The following RIN3 variants were observed in gnomAD, a reference collection of about 807,000 sequenced individuals.
RIN3 encodes Ras and Rab interactor 3.
Under a neutral mutation model 76.3 loss-of-function variants are expected in RIN3, and 54 were observed. The ratio of observed to expected loss-of-function variants is 0.71; its 90% CI spans 0.57 to 0.89. RIN3 has a LOEUF of 0.89. Among genes scored for constraint, RIN3 ranks in the 40% least tolerant of loss-of-function variants. RIN3 has a pLI of 0.00. For missense variants in RIN3, 1,256 were observed against 1,322.1 expected, an observed-to-expected ratio of 0.95 and a Z score of 0.78; for synonymous variants, 576 against 564.0, an observed-to-expected ratio of 1.02 and a Z score of -0.30.
Position 92,649,142 on chromosome 14 carries a change from C to G in RIN3, c.533-2440C>G, listed in dbSNP as rs141645862. Among the ~76,000 whole-genome samples the G allele has an allele frequency of 3.9e-3, 589 of 152,262 alleles. 7 individuals carry two copies. Among genetic ancestry groups the G allele is most frequent in the African/African-American group, 0.013 (558 of 41,542 alleles). ...GCCTGCCGTATGCCCAGCCGAGGAC[C>G]CCAGGAGGAGAATGGAGTAGAGGGG... On this transcript the variant is annotated intron_variant, in intron 5 of 9. Coordinates refer to ENST00000216487, the MANE Select transcript of RIN3 (RefSeq NM_024832.5).
intron 1 of RIN3, among the ~76,000 whole-genome samples, chr14:92,523,119 ATTTTATTTTT>A (rs943684080): frequency 2.6e-5 from 4 of 152,006 alleles, no homozygotes; most frequent in Non-Finnish European, 5.9e-5. Flanking sequence ...GTTTTATTTT[ATTTTATTTTT>A]GAGATGTAGT....
chr14:92,617,683 CAA>C (rs1008377475), intron 4 of RIN3, among the ~76,000 whole-genome samples: 2 of 152,132 alleles, frequency 1.3e-5, no homozygotes, highest in African/African-American at 4.8e-5. Context: ...CTCCTAAAAT[CAA>C]AGAGACCAAA....
chr14:92,518,871 C>T (rs1476484921), intron 1 of RIN3, among the ~76,000 whole-genome samples: 1 of 148,246 alleles, frequency 6.7e-6, no homozygotes, highest in Non-Finnish European at 1.5e-5. Flanking sequence ...TTTTCTTAGG[C>T]AGAACTGTCC....
At chr14:92,561,694 G>C (rs1205364229) in intron 2 of RIN3, among the ~76,000 whole-genome samples, 2 of 151,986 alleles carry the variant, frequency 1.3e-5, no homozygotes, top group African/African-American at 2.4e-5. Context: ...CCTGAGTTTT[G>C]TTTGGTTTTG....
At chr14:92,556,611 T>TACAA (rs1275984420) in intron 2 of RIN3, among the ~76,000 whole-genome samples, 1 of 37,622 alleles carries the variant, frequency 2.7e-5, no homozygotes, top group African/African-American at 8.5e-5. Flanking sequence ...CGTATGGACA[T>TACAA]ACAGACAGAC....
intron 3 of RIN3, among the ~76,000 whole-genome samples, chr14:92,598,608 A>C (rs1476845861): frequency 1.3e-5 from 2 of 152,244 alleles, no homozygotes; most frequent in African/African-American, 4.8e-5. Flanking sequence ...TTAATTAGCA[A>C]GTGGTGGGAA....
intron 8 of RIN3, among the ~76,000 whole-genome samples, chr14:92,679,034 C>G (rs1888574902): frequency 6.6e-6 from 1 of 152,234 alleles, no homozygotes; most frequent in South Asian, 2.1e-4. Context: ...CTTCCTGTTC[C>G]CAGAAGCCTA....
intron 4 of RIN3, among the ~76,000 whole-genome samples, chr14:92,625,397 G>A (rs74770025): frequency 0.013 from 1,912 of 152,150 alleles, 23 homozygotes; most frequent in African/African-American, 0.03. Flanking sequence ...TGATATTTGC[G>A]GTAAAGTGAT....
rs530950196 is a variant in RIN3, at chr14:92,611,337, A to G, written c.368-4070A>G. 4.6e-5 allele frequency among the ~76,000 whole-genome samples: 7 copies of G among 152,154 alleles called. No homozygotes were observed. The East Asian group carries it at 1.2e-3, about 25-fold the overall frequency. On this transcript the variant is annotated intron_variant, in intron 3 of 9. Coordinates refer to ENST00000216487, the MANE Select transcript of RIN3 (RefSeq NM_024832.5). ...AGTCTCGCTCTATCCCCCAGGCTGGAGTGCAGTGGCACGATCTCACCTCTG... is the reference window on the plus strand; with the variant it reads ...AGTCTCGCTCTATCCCCCAGGCTGGGGTGCAGTGGCACGATCTCACCTCTG...
intron 2 of RIN3, among the ~76,000 whole-genome samples, chr14:92,570,910 C>G (rs997490142): frequency 6.6e-6 from 1 of 152,218 alleles, no homozygotes; most frequent in Non-Finnish European, 1.5e-5. Context: ...AGGAAGATTA[C>G]TTTATTACTC....
rs1887280893 is a variant in RIN3 at position 92,648,417 on chromosome 14, AGGCT to A, written c.533-3163_533-3160del. ...TAATGGAGCCATCCTGTCCCGTGGCAGGCTGCCCGGCTGGTGGCCCATCCGTTTA... is the reference window on the plus strand; with the variant it reads ...TAATGGAGCCATCCTGTCCCGTGGCAGCCCGGCTGGTGGCCCATCCGTTTA... On this transcript the variant is annotated intron_variant, in intron 5 of 9. Coordinates refer to ENST00000216487, the MANE Select transcript of RIN3 (RefSeq NM_024832.5). The surrounding 1 kb of genome is among the most constrained non-coding windows in gnomAD (Gnocchi z 4.1). Among the ~76,000 whole-genome samples, 1 of 152,232 alleles carries A rather than the reference AGGCT, an allele frequency of 6.6e-6. No homozygotes were observed. The highest frequency in any genetic ancestry group is 1.5e-5 in the Non-Finnish European group (1 of 68,030).
chr14:92,653,180 C>T, intron 6 of RIN3, 105 bp downstream of exon 6: 9 of 1,217,536 alleles, frequency 7.4e-6, no homozygotes, highest in Non-Finnish European at 1.0e-5. Flanking sequence ...GCTGTTGGTG[C>T]CCACCCCCTA....
chr14:92,544,641 C>G (rs978330108), intron 1 of RIN3, among the ~76,000 whole-genome samples: 3 of 152,140 alleles, frequency 2.0e-5, no homozygotes, highest in Non-Finnish European at 4.4e-5. Flanking sequence ...GGGCTCTGCT[C>G]CACTCCACAT....
intron 1 of RIN3, among the ~76,000 whole-genome samples, chr14:92,554,454 C>T (rs564655963): frequency 1.3e-3 from 194 of 152,284 alleles, no homozygotes; most frequent in Non-Finnish European, 2.4e-3. Flanking sequence ...ATTCTGGGGG[C>T]TCAGGCACTG....
intron 2 of RIN3, among the ~76,000 whole-genome samples, chr14:92,557,513 G>T (rs183255824): frequency 6.6e-6 from 1 of 152,230 alleles, no homozygotes. Flanking sequence ...CTCAGATGGC[G>T]AATGGACTCG....
chr14:92,592,981 GT>G (rs554732055), intron 3 of RIN3, among the ~76,000 whole-genome samples: 9 of 147,610 alleles, frequency 6.1e-5, no homozygotes, highest in Middle Eastern at 3.4e-3. Context: ...GCCAAAATTT[GT>G]TTTTTTTTTC....
At chr14:92,533,925 A>T (rs975509019) in intron 1 of RIN3, among the ~76,000 whole-genome samples, 3 of 152,210 alleles carry the variant, frequency 2.0e-5, no homozygotes, top group African/African-American at 7.2e-5. Context: ...TAATAACCAC[A>T]TATGGCTTGT....
intron 1 of RIN3, among the ~76,000 whole-genome samples, chr14:92,546,537 T>C (rs1399458946): frequency 6.6e-6 from 1 of 152,206 alleles, no homozygotes; most frequent in African/African-American, 2.4e-5. Context: ...CGCCATTGGC[T>C]TTCCCCATTT....
In RIN3 at chr14:92,555,938, C is replaced by T; in HGVS notation, c.232C>T (p.His78Tyr). The T allele has an allele frequency of 1.9e-6, 3 of 1,612,566 alleles. No individual in the cohort carries two copies. Among genetic ancestry groups the T allele is most frequent in the South Asian group, 1.1e-5 (1 of 91,036 alleles). Reference sequence around the variant, plus strand: ...CCAGGCAGAGGTGGCCAGGATCCTGCACCGGGTGGTGGCTGGGGTGAGTGG... The same window carrying T: ...CCAGGCAGAGGTGGCCAGGATCCTGTACCGGGTGGTGGCTGGGGTGAGTGG... ...LGQAEVARIL[H>Y]RVVAGMFLVR... The change falls in exon 2 of 10, where the codon CAC becomes TAC. Residue 78 changes from histidine (H) to tyrosine (Y), a missense_variant. His to Tyr is a moderately conservative substitution (Grantham distance 83). Transcript: ENST00000216487.
Sources: gnomAD v4.1 joint callset for allele counts (sites outside exome capture counted in the v4.1 genomes callset) on GRCh38, gnomAD v4.1.1 for gene constraint, Gnocchi (gnomAD v3.1) non-coding constraint, MANE v1.5 for transcripts, NCBI Gene and HGNC (gene_info 2026-07-23, HGNC 2026-07-21) for gene names.